Variants in GSE1 observed in about 807,000 individuals in gnomAD.
The protein encoded by GSE1 is Gse1 coiled-coil protein, also known as genetic suppressor element 1.
A neutral mutation model predicts 112.6 loss-of-function variants in GSE1; 32 were observed. That is an observed-to-expected ratio of 0.28 (90% confidence interval 0.21 to 0.38). The LOEUF (loss-of-function observed/expected upper bound fraction) is 0.38, where lower values mean the gene tolerates loss of function less well. Ranked by LOEUF, GSE1 falls within the 10% of genes least tolerant of loss-of-function variation. The pLI is 1.00. For synonymous variants in GSE1, 1,115 were observed against 735.6 expected (o/e 1.52, Z -8.35); for missense variants, 2,348 against 1,699.2 (o/e 1.38, Z -6.71).
At chr16:85,352,421 C>T (rs2046869084) in intron 1 of GSE1, among the ~76,000 whole-genome samples, 1 of 152,196 alleles carries the variant, frequency 6.6e-6, no homozygotes, top group African/African-American at 2.4e-5. Context: ...CTCCGAGGCC[C>T]AGTCTGCTTG....
intron 1 of GSE1, among the ~76,000 whole-genome samples, chr16:85,192,376 G>C (rs1276165651): frequency 6.6e-6 from 1 of 152,242 alleles, no homozygotes; most frequent in East Asian, 1.9e-4. Context: ...CTATTGGAAG[G>C]TTGTTTCAAA....
chr16:85,535,057 G>T (rs2044277036), intron 2 of GSE1, among the ~76,000 whole-genome samples: 1 of 152,186 alleles, frequency 6.6e-6, no homozygotes, highest in African/African-American at 2.4e-5. Flanking sequence ...CACAGAGATG[G>T]TCTGAGCAGG....
At chr16:85,258,699 C>T (rs1907343422) in intron 1 of GSE1, among the ~76,000 whole-genome samples, 1 of 152,160 alleles carries the variant, frequency 6.6e-6, no homozygotes, top group African/African-American at 2.4e-5. Flanking sequence ...AGATGTCCTT[C>T]CCGCCTGGTC....
At chr16:85,621,674 G>A (rs994346159) in intron 1 of GSE1, among the ~76,000 whole-genome samples, 1 of 152,218 alleles carries the variant, frequency 6.6e-6, no homozygotes, top group East Asian at 1.9e-4. Context: ...CAGCAGGACT[G>A]TGTCTGCTTG....
intron 1 of GSE1, among the ~76,000 whole-genome samples, chr16:85,213,735 T>C (rs1355065388): frequency 6.6e-6 from 1 of 152,208 alleles, no homozygotes; most frequent in Non-Finnish European, 1.5e-5. Flanking sequence ...AGGGACCACA[T>C]GACCTTGAAC....
At chr16:85,603,469 C>T (rs541504530) in intron 1 of GSE1, among the ~76,000 whole-genome samples, 9 of 152,186 alleles carry the variant, frequency 5.9e-5, no homozygotes, top group Non-Finnish European at 1.2e-4. Context: ...CATCTGGCCT[C>T]TCCCAGGGAC....
chr16:85,648,495 C>T, intron 2 of GSE1, 57 bp from the exon 3 acceptor site: 1 of 869,642 alleles, frequency 1.1e-6, no homozygotes, highest in Non-Finnish European at 1.8e-6. Context: ...CCCCAGCTGG[C>T]ACTGCACGTG....
intron 2 of GSE1, among the ~76,000 whole-genome samples, chr16:85,539,056 C>G (rs9933468): frequency 0.37 from 56,155 of 152,170 alleles, 10,647 homozygotes; most frequent in Middle Eastern, 0.51. Flanking sequence ...CGGGGCATGG[C>G]TCACCTTCCC....
intron 1 of GSE1, among the ~76,000 whole-genome samples, chr16:85,565,781 C>T (rs1336609600): frequency 6.6e-6 from 1 of 152,186 alleles, no homozygotes; most frequent in Non-Finnish European, 1.5e-5. Flanking sequence ...CAGGCCAAAG[C>T]CTGAGAGAAG....
chr16:85,301,720 C>T (rs1164719318), intron 1 of GSE1, among the ~76,000 whole-genome samples: 1 of 152,200 alleles, frequency 6.6e-6, no homozygotes, highest in Non-Finnish European at 1.5e-5. Context: ...CCCTGGGTCC[C>T]CTCCCAGGGC....
chr16:85,633,910 T>A lies in GSE1; in HGVS notation c.8-4T>A. 1.9e-6 allele frequency: 3 copies of A among 1,606,734 alleles called. No homozygotes were observed. Among genetic ancestry groups the A allele is most frequent in the South Asian group, 1.1e-5 (1 of 89,992 alleles). On this transcript the variant is annotated splice_polypyrimidine_tract_variant and splice_region_variant and intron_variant, in intron 1 of 15. Transcript: ENST00000253458. ...GACCTCTGGTTCTTCTTTTCCTGTT[T>A]CAGGCATGAGCCATGAGCCCAAGTC...
At chr16:85,561,171 G>A (rs1332215551) in intron 1 of GSE1, among the ~76,000 whole-genome samples, 1 of 152,022 alleles carries the variant, frequency 6.6e-6, no homozygotes, top group South Asian at 2.1e-4. Context: ...GGCAGTGGCT[G>A]CTTCGTCTAC....
At chr16:85,667,680 G>T (rs11862507) in intron 13 of GSE1, among the ~76,000 whole-genome samples, 10 of 152,190 alleles carry the variant, frequency 6.6e-5, no homozygotes, top group African/African-American at 2.4e-4. Flanking sequence ...CCAACATGGC[G>T]AAACCCTGTT....
chr16:85,431,449 C>G (rs12600285), intron 2 of GSE1, among the ~76,000 whole-genome samples: 1 of 152,218 alleles, frequency 6.6e-6, no homozygotes, highest in South Asian at 2.1e-4. Context: ...TACGTTACCG[C>G]GGGGCGAAAA....
chr16:85,552,314 C>T (rs2044957882), upstream of GSE1, among the ~76,000 whole-genome samples: 1 of 115,982 alleles, frequency 8.6e-6, no homozygotes, highest in Admixed American at 9.5e-5. Flanking sequence ...CGTGAACCAC[C>T]GCACCCGCCC....
chr16:85,425,040 G>GCTGGA (rs1424031504), intron 2 of GSE1, among the ~76,000 whole-genome samples: 1 of 152,258 alleles, frequency 6.6e-6, no homozygotes, highest in Admixed American at 6.5e-5. Flanking sequence ...AGCAGGCTGG[G>GCTGGA]CTGGACTGGA....
intron 2 of GSE1, among the ~76,000 whole-genome samples, chr16:85,478,321 G>T (rs2050526295): frequency 6.6e-6 from 1 of 152,062 alleles, no homozygotes; most frequent in Non-Finnish European, 1.5e-5. Flanking sequence ...GAGACCAGGA[G>T]TTCAAGACCA....
At chr16:85,273,301 A>G (rs1597253244) in intron 1 of GSE1, among the ~76,000 whole-genome samples, 2 of 126,182 alleles carry the variant, frequency 1.6e-5, no homozygotes, top group Non-Finnish European at 3.0e-5. Context: ...ACTGTATATA[A>G]TTAAGCGTCC....
intron 1 of GSE1, chr16:85,357,438 C>T: frequency 1.7e-6 from 2 of 1,186,596 alleles, no homozygotes; most frequent in Middle Eastern, 3.8e-4. Context: ...CCCAGGCTCA[C>T]TGTGTCCACC....
Sources: allele counts gnomAD v4.1 joint callset (sites outside exome capture counted in the v4.1 genomes callset), GRCh38; gene constraint gnomAD v4.1.1; transcripts MANE v1.5; gene names NCBI Gene and HGNC (gene_info 2026-07-23, HGNC 2026-07-21).